LMCD1: variants seen among roughly 807,000 people sequenced by gnomAD.
LMCD1 encodes the protein LIM and cysteine-rich domains protein 1.
LMCD1 carries 32 observed loss-of-function variants against 42.7 expected under a neutral mutation model. The ratio of observed to expected loss-of-function variants is 0.75; its 90% CI spans 0.57 to 1.01. LMCD1 has a LOEUF of 1.01. LMCD1 is among the 50% of genes least tolerant of loss of function. LMCD1 has a pLI of 0.00. For missense variants in LMCD1, 458 were observed against 483.1 expected (o/e 0.95, Z 0.49); for synonymous variants, 178 against 184.9 (o/e 0.96, Z 0.30).
chr3:8,546,818 G>A lies in LMCD1; in HGVS notation c.388-1750G>A, dbSNP rs117976072. 6.7e-4 allele frequency among the ~76,000 whole-genome samples: 102 copies of A among 152,190 alleles called. 1 individual carries two copies. In the East Asian group the frequency reaches 0.014, roughly 21 times the overall value. The stretch of plus-strand genomic sequence containing the variant: ...ATTGTGGGGCCAGTGAGAAGAGAGC[G>A]CCGAGTGGGACACAGGTTTTGTGAG... On this transcript the variant is annotated intron_variant, in intron 3 of 5. Coordinates refer to ENST00000157600, the MANE Select transcript of LMCD1 (RefSeq NM_014583.4).
chr3:8,502,552 T>C (rs532202802), intron 1 of LMCD1, among the ~76,000 whole-genome samples: 1 of 140,562 alleles, frequency 7.1e-6, no homozygotes, highest in African/African-American at 2.7e-5. Context: ...TCCCAGTGTT[T>C]TGTGTGTTTC....
intron 1 of LMCD1, 67 bp downstream of exon 1, chr3:8,502,047 G>A (rs1186773287): frequency 1.0e-5 from 15 of 1,470,370 alleles, no homozygotes; most frequent in Non-Finnish European, 1.2e-5. Flanking sequence ...CCATCTGTTC[G>A]CGGAAACTTC....
chr3:8,550,965 C>A, intron 4 of LMCD1: 1 of 985,314 alleles, frequency 1.0e-6, no homozygotes, highest in Non-Finnish European at 1.2e-6. Context: ...CGGGTCCTTG[C>A]CTACAGTCAG....
At chr3:8,508,981 C>G (rs1164172392) in intron 1 of LMCD1, among the ~76,000 whole-genome samples, 1 of 152,216 alleles carries the variant, frequency 6.6e-6, no homozygotes, top group Non-Finnish European at 1.5e-5. Context: ...TGACCTGCAG[C>G]TCTTCAATTT....
intron 1 of LMCD1, among the ~76,000 whole-genome samples, chr3:8,532,206 T>TA (rs1212704889): frequency 6.6e-6 from 1 of 152,242 alleles, no homozygotes; most frequent in Non-Finnish European, 1.5e-5. Flanking sequence ...AAGGAGATTT[T>TA]AAGTGCTCAT....
At chr3:8,526,322 T>A (rs1694298687) in intron 1 of LMCD1, among the ~76,000 whole-genome samples, 1 of 152,186 alleles carries the variant, frequency 6.6e-6, no homozygotes, top group Admixed American at 6.5e-5. Context: ...TTGGTTAAAT[T>A]AAAATGTGGA....
At chr3:8,529,757 A>G (rs1209106915) in intron 1 of LMCD1, among the ~76,000 whole-genome samples, 1 of 152,192 alleles carries the variant, frequency 6.6e-6, no homozygotes, top group East Asian at 1.9e-4. Flanking sequence ...GTTCCTCTGA[A>G]GTCCCCTAGC....
At chr3:8,537,569 G>A (rs1694536218) in intron 3 of LMCD1, 129 bp downstream of exon 3, 2 of 1,041,760 alleles carry the variant, frequency 1.9e-6, no homozygotes, top group Admixed American at 2.4e-5. Flanking sequence ...GAGTGGCTGT[G>A]GTTTTAGCCC....
intron 1 of LMCD1, among the ~76,000 whole-genome samples, chr3:8,515,461 G>A (rs1250724222): frequency 2.0e-5 from 3 of 152,094 alleles, no homozygotes; most frequent in East Asian, 1.9e-4. Context: ...CTGAATGCAC[G>A]TTTACTTTTC....
intron 1 of LMCD1, among the ~76,000 whole-genome samples, chr3:8,502,910 C>CA (rs543194645): frequency 1.2e-3 from 181 of 152,280 alleles, no homozygotes; most frequent in Middle Eastern, 3.4e-3. Flanking sequence ...CCCGGGGTCA[C>CA]AGAGAGTTGG....
rs567534073 is a variant in LMCD1, at chr3:8,526,071, A to G, written c.43-6666A>G. 2.0e-5 allele frequency among the ~76,000 whole-genome samples: 3 copies of G among 152,312 alleles called. No individual in the cohort carries two copies. The South Asian group carries it at 6.2e-4, about 32-fold the overall frequency. On this transcript the variant is annotated intron_variant, in intron 1 of 5. Transcript: ENST00000157600. ...CCAGACTTGCTGAACCAGAGTGTGC[A>G]TTTGAGCTAGATCCCAGGTGATTTT... is the stretch of plus-strand genomic sequence containing the variant.
chr3:8,558,712 C>G (rs959224102), intron 4 of LMCD1, among the ~76,000 whole-genome samples: 4 of 152,158 alleles, frequency 2.6e-5, no homozygotes, highest in African/African-American at 9.7e-5. Context: ...CCTCATTGGT[C>G]TTTCTTAAAA....
chr3:8,552,216 T>G (rs895785519), intron 4 of LMCD1, among the ~76,000 whole-genome samples: 6 of 152,216 alleles, frequency 3.9e-5, no homozygotes, highest in Non-Finnish European at 8.8e-5. Context: ...GAAGTGGCTG[T>G]GCCTCCCCAG....
intron 4 of LMCD1, chr3:8,551,140 A>G (rs543233405): frequency 1.0e-6 from 1 of 985,398 alleles, no homozygotes; most frequent in Admixed American, 6.1e-5. Flanking sequence ...CCCTGCCCCA[A>G]CCACAATTTT....
rs35525213 is a variant in LMCD1 at position 8,555,716 on chromosome 3, C to CTTTTTT, written c.723+6832_723+6837dup. Among the ~76,000 whole-genome samples, 198 of 63,270 alleles carry CTTTTTT rather than the reference C, an allele frequency of 3.1e-3. 14 individuals carry two copies. The highest frequency in any genetic ancestry group is 5.4e-3 in the African/African-American group (73 of 13,560). The allele number at this position is 63,270 out of a possible 152,430, so 41.5% of individuals were successfully genotyped here. A position where few individuals can be genotyped will look rare whatever the true frequency, so the allele number is the denominator to read the frequency against. ...ATGTTGCCACATGGCCTTCAACGAG[C>CTTTTTT]TTTTTTTTTTTTTTTTTTTTTTTTG... On this transcript the variant is annotated intron_variant, in intron 4 of 5. Transcript: ENST00000157600.
chr3:8,573,419 A>G lies in LMCD1; in HGVS notation c.*5821A>G, dbSNP rs116529233. The G allele has an allele frequency of 2.6e-5, 4 of 152,330 alleles. No individual in the cohort carries two copies. The highest frequency in any genetic ancestry group is 6.5e-5 in the Admixed American group (1 of 15,304). The allele number at this position is 152,330 out of a possible 1,614,324, so 9.4% of individuals were successfully genotyped here. On this transcript the variant is annotated 3_prime_UTR_variant, in exon 6 of 6. Coordinates refer to ENST00000157600, the MANE Select transcript of LMCD1 (RefSeq NM_014583.4). ...AAAAATATTGTCTTAGCAATTTTCA[A>G]TCAAGCCTGTCCCATGGAGACACAA... is the stretch of plus-strand genomic sequence containing the variant.
At chr3:8,561,325 A>G (rs1695030093) in intron 4 of LMCD1, among the ~76,000 whole-genome samples, 1 of 152,122 alleles carries the variant, frequency 6.6e-6, no homozygotes, top group South Asian at 2.1e-4. Flanking sequence ...GAGAGAAAAC[A>G]ACTTTCCATG....
chr3:8,536,887 C>G (rs1175717581), intron 2 of LMCD1, among the ~76,000 whole-genome samples: 1 of 152,184 alleles, frequency 6.6e-6, no homozygotes, highest in African/African-American at 2.4e-5. Flanking sequence ...TAGAGCATCT[C>G]TGATGAACAA....
At chr3:8,508,964 C>G (rs990839343) in intron 1 of LMCD1, among the ~76,000 whole-genome samples, 1 of 152,216 alleles carries the variant, frequency 6.6e-6, no homozygotes, top group Non-Finnish European at 1.5e-5. Flanking sequence ...GCACAAAGAT[C>G]TAGATGTGAC....
Sources: allele counts gnomAD v4.1 joint callset (sites outside exome capture counted in the v4.1 genomes callset), GRCh38; gene constraint gnomAD v4.1.1; transcripts MANE v1.5; gene names NCBI Gene and HGNC (gene_info 2026-07-23, HGNC 2026-07-21).